Variants in MGST1 observed in about 807,000 individuals in gnomAD.
MGST1 encodes the protein glutathione S-transferase 12.
MGST1 carries 5 observed loss-of-function variants against 8.9 expected under a neutral mutation model. The ratio of observed to expected loss-of-function variants is 0.56; its 90% confidence interval spans 0.29 to 1.19. The LOEUF (loss-of-function observed/expected upper bound fraction) is 1.19, where lower values mean the gene tolerates loss of function less well. Ranked by LOEUF, MGST1 falls within the 50% of genes most tolerant of loss-of-function variation. The pLI, the probability that MGST1 is intolerant of heterozygous loss-of-function variation, is 0.08. For synonymous variants in MGST1, 54 were observed against 67.8 expected (o/e 0.80, Z 1.00); for missense variants, 182 against 187.4 (o/e 0.97, Z 0.17).
At position 16,487,794 on chromosome 12, in the gene MGST1, G is replaced by A. The variant is rs79315151; in HGVS notation, n.483-101734G>A. Among the ~76,000 whole-genome samples, 44 of 152,182 alleles carry A rather than the reference G, an allele frequency of 2.9e-4. No homozygotes were observed. The East Asian group carries it at 8.5e-3, about 29-fold the overall frequency. On this transcript the variant is annotated intron_variant and non_coding_transcript_variant, in intron 4 of 4. Transcript: ENST00000538857. ...TCCTGGTAACTGGGACTACAGGTGT[G>A]CACAACCACACCTGGATAATTTTTT...
At chr12:16,511,115 T>G (rs1364585981) in intron 4 of MGST1, among the ~76,000 whole-genome samples, 1 of 152,230 alleles carries the variant, frequency 6.6e-6, no homozygotes, top group Admixed American at 6.5e-5. Flanking sequence ...ATTTTTAAAT[T>G]GTTTGCATTT....
intron 4 of MGST1, among the ~76,000 whole-genome samples, chr12:16,505,143 ATT>A (rs1941528801): frequency 6.6e-6 from 1 of 152,100 alleles, no homozygotes; most frequent in African/African-American, 2.4e-5. Context: ...AATCTCAACT[ATT>A]TTGTGGATAA....
At chr12:16,395,930 T>C (rs1371780988) in intron 1 of MGST1, among the ~76,000 whole-genome samples, 1 of 151,918 alleles carries the variant, frequency 6.6e-6, no homozygotes, top group Admixed American at 6.6e-5. Flanking sequence ...CAAGTATCTT[T>C]TTTCATATAA....
rs551480426 is a variant in MGST1 at position 16,512,772 on chromosome 12, A to G, written n.483-76756A>G. The stretch of plus-strand genomic sequence containing the variant: ...ACATAAATAAAATAATTTCTTGCCA[A>G]TGAGGGCAATTTGCATATAGCACTG... On this transcript the variant is annotated intron_variant and non_coding_transcript_variant, in intron 4 of 4. Coordinates refer to the MGST1 transcript ENST00000538857. Among the ~76,000 whole-genome samples, 5 of 152,354 alleles carry G rather than the reference A, an allele frequency of 3.3e-5. No homozygotes were observed. In the South Asian group the frequency reaches 8.3e-4, roughly 25 times the overall value.
chr12:16,565,245 G>C (rs932917966), intron 4 of MGST1, among the ~76,000 whole-genome samples: 1 of 152,216 alleles, frequency 6.6e-6, no homozygotes, highest in African/African-American at 2.4e-5. Context: ...ACTTTTGACT[G>C]TTGGATGGAA....
At chr12:16,568,572 C>A (rs562022856) in intron 4 of MGST1, among the ~76,000 whole-genome samples, 9 of 152,172 alleles carry the variant, frequency 5.9e-5, no homozygotes, top group Non-Finnish European at 8.8e-5. Flanking sequence ...GGCATATGTA[C>A]CAGATTCCAA....
intron 1 of MGST1, among the ~76,000 whole-genome samples, chr12:16,425,276 GTTTT>G (rs995731199): frequency 2.0e-5 from 3 of 152,004 alleles, no homozygotes; most frequent in African/African-American, 7.3e-5. Flanking sequence ...AAACTAGTGG[GTTTT>G]TTATTATGTA....
chr12:16,364,543 C>A, downstream of MGST1: 1 of 294,292 alleles, frequency 3.4e-6, no homozygotes, highest in Non-Finnish European at 5.0e-6. The surrounding 1 kb of genome is among the most constrained non-coding windows in gnomAD (Gnocchi z 5.7). Context: ...TGCATATTTG[C>A]TTTCCTTCTC....
At chr12:16,491,982 AT>A (rs766577448) in intron 4 of MGST1, among the ~76,000 whole-genome samples, 3 of 152,200 alleles carry the variant, frequency 2.0e-5, no homozygotes, top group Admixed American at 1.3e-4. Context: ...GGCTTTCTAT[AT>A]TGTTACATTG....
chr12:16,564,157 A>G (rs1449818691), intron 4 of MGST1, among the ~76,000 whole-genome samples: 2 of 152,182 alleles, frequency 1.3e-5, no homozygotes, highest in Non-Finnish European at 2.9e-5. Context: ...CTATCTAAAA[A>G]CAGACATGAA....
intron 4 of MGST1, among the ~76,000 whole-genome samples, chr12:16,494,301 T>C (rs1246914722): frequency 6.6e-6 from 1 of 152,164 alleles, no homozygotes; most frequent in East Asian, 1.9e-4. Context: ...CTGTGATGCA[T>C]GTTGATGATT....
At chr12:16,403,333 T>C (rs1035337537) in intron 1 of MGST1, among the ~76,000 whole-genome samples, 3 of 152,174 alleles carry the variant, frequency 2.0e-5, no homozygotes. Flanking sequence ...TTTAAGTTTC[T>C]GGCTTAAGAG....
At chr12:16,593,185 G>A (rs550494180), downstream of MGST1, among the ~76,000 whole-genome samples, 5 of 151,854 alleles carry the variant, frequency 3.3e-5, no homozygotes, top group African/African-American at 1.2e-4. The surrounding 1 kb of genome is among the most constrained non-coding windows in gnomAD (Gnocchi z 4.2). Flanking sequence ...TAATGTGGAC[G>A]ATGCTTCACT....
chr12:16,470,434 G>A (rs1233311938), intron 4 of MGST1, among the ~76,000 whole-genome samples: 7 of 152,202 alleles, frequency 4.6e-5, no homozygotes, highest in Non-Finnish European at 1.5e-5. Context: ...CCACCACACT[G>A]AGCCTTTGAA....
intron 4 of MGST1, among the ~76,000 whole-genome samples, chr12:16,556,879 AC>A (rs1321588379): frequency 6.6e-6 from 1 of 152,218 alleles, no homozygotes; most frequent in African/African-American, 2.4e-5. Flanking sequence ...CATAACCGGC[AC>A]TAAAGATATG....
At chr12:16,370,769 C>T (rs1201754771) in intron 3 of MGST1, among the ~76,000 whole-genome samples, 1 of 152,058 alleles carries the variant, frequency 6.6e-6, no homozygotes, top group Non-Finnish European at 1.5e-5. Flanking sequence ...TGAACTAGAA[C>T]AATTTTTGAA....
At chr12:16,531,398 C>T (rs928134708) in intron 4 of MGST1, among the ~76,000 whole-genome samples, 3 of 151,682 alleles carry the variant, frequency 2.0e-5, no homozygotes, top group Non-Finnish European at 4.4e-5. Context: ...ACAGTGAAAA[C>T]TAAAACAAGG....
At position 16,513,119 on chromosome 12, in the gene MGST1, T is replaced by C. The variant is rs1565467222; in HGVS notation, n.483-76409T>C. Among the ~76,000 whole-genome samples the C allele has an allele frequency of 6.6e-6, 1 of 152,236 alleles. No individual in the cohort carries two copies. Among genetic ancestry groups the C allele is most frequent in the African/African-American group, 2.4e-5 (1 of 41,472 alleles). ...AACAAATCATTCTTTCATGTGTATA[T>C]ATACAGATACACATATACATAAACA... is the stretch of plus-strand genomic sequence containing the variant. On this transcript the variant is annotated intron_variant and non_coding_transcript_variant, in intron 4 of 4. Transcript: ENST00000538857. This position sits in a 1 kb window ranked among gnomAD's most constrained non-coding sequence, Gnocchi z 4.2.
intron 4 of MGST1, among the ~76,000 whole-genome samples, chr12:16,472,057 T>C (rs1458268922): frequency 1.3e-5 from 2 of 152,284 alleles, no homozygotes; most frequent in Admixed American, 6.5e-5. Flanking sequence ...CTTTGTCCTC[T>C]GCTAGTTCCT....
Sources: gnomAD v4.1 joint callset for allele counts (sites outside exome capture counted in the v4.1 genomes callset) on GRCh38, gnomAD v4.1.1 for gene constraint, Gnocchi (gnomAD v3.1) non-coding constraint, MANE v1.5 for transcripts, NCBI Gene and HGNC (gene_info 2026-07-23, HGNC 2026-07-21) for gene names.